The following PTK2 variants were observed in gnomAD, a reference collection of about 807,000 sequenced individuals.
PTK2 encodes the protein focal adhesion kinase 1.
PTK2 carries 45 observed loss-of-function variants against 150.1 expected under a neutral mutation model. The observed-to-expected ratio is 0.30, with a 90% CI of 0.24 to 0.38. The LOEUF is 0.38. PTK2 is among the 10% of genes least tolerant of loss of function. The probability of loss-of-function intolerance (pLI) is 1.00; values close to 1 mark genes in which losing one functional copy is unlikely to be tolerated. For synonymous variants in PTK2, 432 were observed against 449.2 expected (o/e 0.96, Z 0.48); for missense variants, 919 against 1,307.3 (o/e 0.70, Z 4.58).
At chr8:140,803,507 C>A in intron 11 of PTK2, 36 bp downstream of exon 11, 1 of 1,526,174 alleles carries the variant, frequency 6.6e-7, no homozygotes, top group South Asian at 1.1e-5. Context: ...CCTATTTAAC[C>A]ATTTTCCCTT....
At chr8:140,738,196 T>G (rs1322447793) in intron 21 of PTK2, among the ~76,000 whole-genome samples, 1 of 151,808 alleles carries the variant, frequency 6.6e-6, no homozygotes. Context: ...GTAGGAAAGG[T>G]AAAGAAAGGA....
chr8:140,678,850 A>G (rs2100015323), intron 27 of PTK2, among the ~76,000 whole-genome samples: 1 of 151,824 alleles, frequency 6.6e-6, no homozygotes, highest in Non-Finnish European at 1.5e-5. Flanking sequence ...ACGGGCCAAT[A>G]CTTTAACAAC....
At chr8:140,950,367 G>A (rs1474359303) in intron 1 of PTK2, among the ~76,000 whole-genome samples, 2 of 152,220 alleles carry the variant, frequency 1.3e-5, no homozygotes, top group African/African-American at 4.8e-5. Flanking sequence ...CCCTCATCCA[G>A]ATGCGGGTTT....
At chr8:140,977,054 A>C (rs566724005) in intron 1 of PTK2, among the ~76,000 whole-genome samples, 4 of 152,238 alleles carry the variant, frequency 2.6e-5, no homozygotes, top group Non-Finnish European at 5.9e-5. Context: ...AGAATTTACA[A>C]AATATGTCTA....
At chr8:140,735,191 A>G in intron 22 of PTK2, 60 bp downstream of exon 25, 1 of 1,486,694 alleles carries the variant, frequency 6.7e-7, no homozygotes, top group Non-Finnish European at 9.3e-7. Flanking sequence ...TATTACTGCA[A>G]GGAGGAGAAG....
chr8:140,685,702 C>T (rs973491137), intron 27 of PTK2, among the ~76,000 whole-genome samples: 2 of 152,172 alleles, frequency 1.3e-5, no homozygotes, highest in African/African-American at 4.8e-5. Flanking sequence ...CCATCTCACA[C>T]CAGTCAGAAT....
chr8:140,680,106 C>T (rs75746607), intron 27 of PTK2, among the ~76,000 whole-genome samples: 29 of 152,312 alleles, frequency 1.9e-4, no homozygotes, highest in African/African-American at 6.7e-4. Context: ...TGATGCGACA[C>T]AGTACCTTGT....
At chr8:140,950,798 G>A (rs1041603359) in intron 1 of PTK2, among the ~76,000 whole-genome samples, 2 of 152,130 alleles carry the variant, frequency 1.3e-5, no homozygotes, top group African/African-American at 4.8e-5. Flanking sequence ...CCCCCGCACT[G>A]TTCAGGGGTT....
intron 2 of PTK2, among the ~76,000 whole-genome samples, chr8:140,898,144 G>GA (rs1245258991): frequency 2.6e-5 from 4 of 152,026 alleles, no homozygotes; most frequent in Admixed American, 1.3e-4. Flanking sequence ...GGAATTTCTA[G>GA]AAAAAAGAAG....
At chr8:140,734,560 T>G (rs2100051457) in intron 22 of PTK2, 1 of 353,858 alleles carries the variant, frequency 2.8e-6, no homozygotes, top group Admixed American at 3.6e-5. Context: ...AGTATGCACA[T>G]GCTTCTCTGA....
chr8:140,704,008 T>C (rs1591282283), intron 24 of PTK2, among the ~76,000 whole-genome samples: 1 of 152,232 alleles, frequency 6.6e-6, no homozygotes, highest in Non-Finnish European at 1.5e-5. Context: ...ATGGACAATA[T>C]GAAATTAATG....
intron 14 of PTK2, among the ~76,000 whole-genome samples, chr8:140,781,493 G>A (rs1419250901): frequency 1.3e-5 from 2 of 152,128 alleles, no homozygotes; most frequent in East Asian, 3.9e-4. Context: ...CTTGGGAGAA[G>A]ATGGGAATAC....
At chr8:140,736,716 C>G (rs182600248) in intron 21 of PTK2, among the ~76,000 whole-genome samples, 1 of 152,112 alleles carries the variant, frequency 6.6e-6, no homozygotes, top group African/African-American at 2.4e-5. Context: ...CTGTGGAACA[C>G]GCCAAAAACA....
chr8:140,769,538 C>T (rs752451068), intron 14 of PTK2, 37 bp downstream of exon 16: 1 of 1,288,696 alleles, frequency 7.8e-7, no homozygotes, highest in East Asian at 4.1e-5. Context: ...AAATAATTAT[C>T]TCATAGCAGT....
chr8:140,746,793 G>C (rs780833265), exon 18 of PTK2: 1 of 1,613,212 alleles, frequency 6.2e-7, no homozygotes, highest in Non-Finnish European at 8.5e-7. Context: ...TGATTATCCA[G>C]ACAGGATTCT....
At chr8:140,661,526 AGGGC>A (rs1424884097) in intron 31 of PTK2, among the ~76,000 whole-genome samples, 2 of 152,248 alleles carry the variant, frequency 1.3e-5, no homozygotes, top group Non-Finnish European at 2.9e-5. Context: ...ATCAGAGCTC[AGGGC>A]GGGGTTCTAT....
chr8:140,954,687 G>C (rs1019017591), intron 1 of PTK2: 1 of 152,024 alleles, frequency 6.6e-6, no homozygotes, highest in African/African-American at 2.4e-5. Context: ...ACAGGTGAAA[G>C]AAAAAACAAA....
chr8:140,978,129 A>C (rs558106573), intron 1 of PTK2, among the ~76,000 whole-genome samples: 124 of 152,356 alleles, frequency 8.1e-4, no homozygotes, highest in African/African-American at 2.8e-3. Flanking sequence ...TAAAGACTTA[A>C]ATGTTAGACC....
chr8:140,934,926 C>T (rs752871012), intron 1 of PTK2, among the ~76,000 whole-genome samples: 5 of 152,178 alleles, frequency 3.3e-5, no homozygotes, highest in African/African-American at 4.8e-5. Flanking sequence ...AGAGATTAGA[C>T]TGTTACTGTG....
Sources: gnomAD v4.1 joint callset for allele counts (sites outside exome capture counted in the v4.1 genomes callset) on GRCh38, gnomAD v4.1.1 for gene constraint, MANE v1.5 for transcripts, NCBI Gene and HGNC (gene_info 2026-07-23, HGNC 2026-07-21) for gene names.